FAM13A: variants seen among roughly 807,000 people sequenced by gnomAD.
FAM13A encodes the protein family with sequence similarity 13 member A.
In FAM13A, 76 loss-of-function variants were observed where a neutral mutation model predicts 129.6. That is an observed-to-expected ratio of 0.59 (90% CI 0.49 to 0.71). The LOEUF (loss-of-function observed/expected upper bound fraction) is 0.71. Among genes scored for constraint, FAM13A ranks in the 30% least tolerant of loss-of-function variants. FAM13A has a pLI of 0.00. For synonymous variants in FAM13A, 443 were observed against 449.9 expected (o/e 0.98, Z 0.20); for missense variants, 1,108 against 1,249.3 (o/e 0.89, Z 1.70).
chr4:88,800,893 A>G (rs1727328064), intron 8 of FAM13A, among the ~76,000 whole-genome samples: 2 of 152,136 alleles, frequency 1.3e-5, no homozygotes, highest in Non-Finnish European at 2.9e-5. Context: ...AGGGTTTTGA[A>G]TAAATATAAT....
chr4:88,850,522 A>C (rs971726683), intron 7 of FAM13A, among the ~76,000 whole-genome samples: 4 of 151,926 alleles, frequency 2.6e-5, no homozygotes, highest in Non-Finnish European at 5.9e-5. Flanking sequence ...GCGCCATTGC[A>C]CTCCAGCCTG....
intron 7 of FAM13A, among the ~76,000 whole-genome samples, chr4:88,829,212 T>G (rs758850410): frequency 9.2e-5 from 14 of 152,232 alleles, no homozygotes; most frequent in Non-Finnish European, 1.3e-4. Context: ...TTAAAATAAT[T>G]TATTTCTTAC....
chr4:88,945,783 G>GTATATATATATATATAAGTATATATATAT (rs146789971), intron 4 of FAM13A, among the ~76,000 whole-genome samples: 1 of 127,038 alleles, frequency 7.9e-6, no homozygotes, highest in African/African-American at 3.2e-5. Flanking sequence ...CTATGTGGTT[G>GTATATATATATATATAAGTATATATATAT]TATATATATA....
At chr4:88,896,191 A>G (rs1459548289) in intron 6 of FAM13A, among the ~76,000 whole-genome samples, 4 of 150,478 alleles carry the variant, frequency 2.7e-5, no homozygotes, top group Non-Finnish European at 5.9e-5. Context: ...AACACCGCAT[A>G]TTCTCACTCA....
At chr4:88,780,510 T>G (rs1722645510) in intron 11 of FAM13A, among the ~76,000 whole-genome samples, 1 of 152,176 alleles carries the variant, frequency 6.6e-6, no homozygotes. Context: ...TCAGAGAAAC[T>G]AATACATTAA....
chr4:88,841,480 TGA>T (rs1735814308), intron 7 of FAM13A, among the ~76,000 whole-genome samples: 1 of 113,668 alleles, frequency 8.8e-6, no homozygotes, highest in African/African-American at 3.7e-5. Flanking sequence ...GGTGACAGAG[TGA>T]GACTCTGTCT....
At chr4:88,801,163 G>A (rs1221273607) in intron 8 of FAM13A, among the ~76,000 whole-genome samples, 1 of 152,130 alleles carries the variant, frequency 6.6e-6, no homozygotes, top group Non-Finnish European at 1.5e-5. Context: ...GAATAGCAGT[G>A]GCATGGTATA....
chr4:88,879,168 T>C (rs1483199884), intron 6 of FAM13A, among the ~76,000 whole-genome samples: 3 of 152,182 alleles, frequency 2.0e-5, no homozygotes, highest in Admixed American at 2.0e-4. Context: ...AAAAGCAATA[T>C]AGAGCTTTAG....
At chr4:88,803,884 A>G (rs1444898461) in intron 8 of FAM13A, among the ~76,000 whole-genome samples, 2 of 152,208 alleles carry the variant, frequency 1.3e-5, no homozygotes, top group Non-Finnish European at 2.9e-5. Flanking sequence ...CCATTCTGGG[A>G]CTATTTCAAC....
chr4:88,781,124 T>C, intron 11 of FAM13A, 41 bp downstream of exon 11: 1 of 1,327,838 alleles, frequency 7.5e-7, no homozygotes, highest in Non-Finnish European at 1.0e-6. Context: ...AGAGATGTAA[T>C]ATTTCCTAAC....
intron 4 of FAM13A, among the ~76,000 whole-genome samples, chr4:88,975,022 T>G (rs568059965): frequency 6.0e-4 from 92 of 152,286 alleles, no homozygotes; most frequent in South Asian, 3.1e-3. Context: ...TGGCATACAG[T>G]ATGTACTCAA....
At chr4:89,029,821 AATGGTT>A (rs1479644885) in intron 1 of FAM13A, 172 bp from the exon 2 acceptor site, 6 of 658,418 alleles carry the variant, frequency 9.1e-6, no homozygotes, top group Non-Finnish European at 1.6e-5. Context: ...GCTCAGATAT[AATGGTT>A]AAAAGGACTG....
intron 6 of FAM13A, among the ~76,000 whole-genome samples, chr4:88,881,535 G>A (rs902786578): frequency 1.3e-5 from 2 of 152,114 alleles, no homozygotes; most frequent in African/African-American, 4.8e-5. Context: ...GAAGGAAACA[G>A]AAAAACAATT....
chr4:88,960,223 C>T (rs554234984), intron 4 of FAM13A, among the ~76,000 whole-genome samples: 3 of 152,220 alleles, frequency 2.0e-5, no homozygotes, highest in East Asian at 3.9e-4. Flanking sequence ...ATAAGAAATC[C>T]GTCAGGAAAA....
Position 88,749,858 on chromosome 4 carries a change from T to A in FAM13A, c.1992A>T (p.Thr664=). The A allele has an allele frequency of 6.2e-7, 1 of 1,614,032 alleles. No individual in the cohort carries two copies. The highest frequency in any genetic ancestry group is 8.5e-7 in the Non-Finnish European group (1 of 1,179,958). The change falls in exon 16 of 24, where the codon ACA becomes ACT. Residue 664 remains threonine, a synonymous_variant. Coordinates refer to ENST00000264344, the MANE Select transcript of FAM13A (RefSeq NM_014883.4). ...GSYDDEQEDL[T]PAQLTRRIQS... is the part of the protein sequence containing the mutation. ...GAATCCTTCGTGTGAGCTGGGCAGG[T>A]GTCAGGTCCTCTTGCTCATCATCAT...
intron 5 of FAM13A, among the ~76,000 whole-genome samples, chr4:88,930,082 C>A (rs977588598): frequency 2.6e-5 from 4 of 151,846 alleles, no homozygotes; most frequent in Non-Finnish European, 5.9e-5. Flanking sequence ...ACATTCATAT[C>A]CTGAATTGAT....
intron 23 of FAM13A, chr4:88,730,177 A>G (rs1442871306): frequency 1.3e-5 from 2 of 152,236 alleles, no homozygotes; most frequent in East Asian, 1.9e-4. Context: ...CAATACTTAC[A>G]TAGCTTCAGT....
intron 17 of FAM13A, among the ~76,000 whole-genome samples, chr4:88,748,701 C>A (rs11944668): frequency 0.41 from 62,859 of 152,004 alleles, 15,149 homozygotes; most frequent in African/African-American, 0.66. Flanking sequence ...GACTTGAAAC[C>A]ATCATCCTTC....
At chr4:88,847,952 C>CAAA (rs1554004314) in intron 7 of FAM13A, among the ~76,000 whole-genome samples, 3 of 136,988 alleles carry the variant, frequency 2.2e-5, no homozygotes, top group Admixed American at 7.4e-5. Context: ...GACTCTGTCC[C>CAAA]AAAAAAAAAA....
Sources: allele counts gnomAD v4.1 joint callset (sites outside exome capture counted in the v4.1 genomes callset), GRCh38; gene constraint gnomAD v4.1.1; transcripts MANE v1.5; gene names NCBI Gene and HGNC (gene_info 2026-07-23, HGNC 2026-07-21).